The following GDPD3 variants were observed in gnomAD, a reference collection of about 807,000 sequenced individuals.
The protein encoded by GDPD3 is glycerophosphodiester phosphodiesterase domain containing 3, also known as lysophospholipase D GDPD3.
GDPD3 carries 40 observed loss-of-function variants against 43.7 expected under a neutral mutation model. That is an observed-to-expected ratio of 0.91 (90% CI 0.71 to 1.19). The LOEUF (loss-of-function observed/expected upper bound fraction) is 1.19, where lower values mean the gene tolerates loss of function less well. GDPD3 is among the 50% of genes most tolerant of loss of function. GDPD3 has a pLI of 0.00. For missense variants in GDPD3, 363 were observed against 415.8 expected, an observed-to-expected ratio of 0.87 and a Z score of 1.11; for synonymous variants, 145 against 162.9, an observed-to-expected ratio of 0.89 and a Z score of 0.84.
intron 7 of GDPD3, 158 bp downstream of exon 7, chr16:30,111,230 C>G: frequency 2.6e-6 from 2 of 782,058 alleles, no homozygotes; most frequent in South Asian, 3.5e-5. Context: ...GTTCACAGTT[C>G]CCTTAGTATT....
intron 7 of GDPD3, among the ~76,000 whole-genome samples, chr16:30,108,939 C>A (rs2072879562): frequency 6.6e-6 from 1 of 151,932 alleles, no homozygotes; most frequent in East Asian, 2.0e-4. Context: ...TCACACCATT[C>A]TCCTGCCTCA....
Position 30,112,559 on chromosome 16 carries a change from G to T in GDPD3, c.328C>A (p.Leu110Ile), listed in dbSNP as rs1432517051. Residue 110 changes from leucine to isoleucine, a missense_variant, in exon 4 of 10, where the codon CTC becomes ATC. Leu to Ile is a conservative substitution (Grantham distance 5). Transcript: ENST00000406256. This position sits in a 1 kb window ranked among gnomAD's most constrained non-coding sequence, Gnocchi z 5.4. The stretch of plus-strand genomic sequence containing the variant: ...TAAACCTCCAGCTTCTCCTTGTAGA[G>T]GGGCAGGTCCTGGGGAGGACAGGAA... ...VGSLDFEDLP[L>I]YKEKLEVYFS... 6.2e-7 allele frequency: 1 copy of T among 1,614,070 alleles called. No homozygotes were observed. The highest frequency in any genetic ancestry group is 1.3e-5 in the African/African-American group (1 of 74,924).
At chr16:30,108,636 G>T in intron 7 of GDPD3, 1 of 559,350 alleles carries the variant, frequency 1.8e-6, no homozygotes, top group Non-Finnish European at 3.2e-6. Flanking sequence ...CAAGGGTGTG[G>T]CCCTCCAGTC....
At chr16:30,111,181 T>C in intron 7 of GDPD3, 2 of 559,606 alleles carry the variant, frequency 3.6e-6, no homozygotes, top group South Asian at 4.8e-5. Flanking sequence ...AAATTACCTC[T>C]CTATCCTAAA....
rs1405207977 is a variant in GDPD3, at chr16:30,113,364, T to C, written c.115A>G (p.Ile39Val). ...LHTPRAPTFR[I>V]RLGAHRGGSG... ...CCTCCTCGGTGGGCCCCCAGGCGGA[T>C]GCGGAAGGTGGGAGCCCTGGGCGTG... The change falls in exon 1 of 10, where the codon ATC becomes GTC. Residue 39 changes from isoleucine (I) to valine (V), a missense_variant. Ile to Val is a conservative substitution (Grantham distance 29, BLOSUM62 3). Coordinates refer to ENST00000406256, the MANE Select transcript of GDPD3 (RefSeq NM_024307.3). This position sits in a 1 kb window ranked among gnomAD's most constrained non-coding sequence, Gnocchi z 5.9. The C allele has an allele frequency of 2.5e-6, 4 of 1,607,934 alleles. No homozygotes were observed. Among genetic ancestry groups the C allele is most frequent in the Non-Finnish European group, 3.4e-6 (4 of 1,176,550 alleles).
rs374869950 is a variant in GDPD3, at chr16:30,108,507, CCCG to C, written c.708-78_708-76del. On this transcript the variant is annotated intron_variant, in intron 7 of 9. Coordinates refer to ENST00000406256, the MANE Select transcript of GDPD3 (RefSeq NM_024307.3). ...AGAGGTGGGGTGGGCTGGTAGTGCC[CCCG>C]CCAACTAGGGTAGCGCTGCCCTCCC... 9,279 of 1,366,828 alleles carry C rather than the reference CCCG, an allele frequency of 6.8e-3. 46 individuals are homozygous for C. Among genetic ancestry groups the C allele is most frequent in the Non-Finnish European group, 7.1e-3 (6,746 of 956,406 alleles). The allele number at this position is 1,366,828 out of a possible 1,614,324, so 84.7% of individuals were successfully genotyped here. A position where few individuals can be genotyped will look rare whatever the true frequency, so the allele number is the denominator to read the frequency against.
chr16:30,109,115 C>T (rs559330991), intron 7 of GDPD3, among the ~76,000 whole-genome samples: 2 of 152,234 alleles, frequency 1.3e-5, no homozygotes, highest in South Asian at 2.1e-4. Flanking sequence ...CAGGCGTGAG[C>T]CACCGTGCCC....
intron 7 of GDPD3, among the ~76,000 whole-genome samples, chr16:30,109,683 T>C (rs2072886243): frequency 6.6e-6 from 1 of 151,938 alleles, no homozygotes; most frequent in African/African-American, 2.4e-5. Context: ...TGCATGCCTG[T>C]AATGCCAGCT....
intron 9 of GDPD3, among the ~76,000 whole-genome samples, chr16:30,106,870 G>A (rs955775794): frequency 1.3e-5 from 2 of 151,988 alleles, no homozygotes; most frequent in Admixed American, 6.6e-5. Flanking sequence ...CACCATACCC[G>A]GATAATGTTT....
At position 30,112,465 on chromosome 16, in the gene GDPD3, G is replaced by A. The variant is rs1247086268; in HGVS notation, c.365-41C>T. ...GAAAAGGGGTCAGAGGGAAGCCAAG[G>A]CGGAGGTCCAAGGAAGGCAGGCATG... is the stretch of plus-strand genomic sequence containing the variant. On this transcript the variant is annotated intron_variant, in intron 4 of 9. Coordinates refer to ENST00000406256, the MANE Select transcript of GDPD3 (RefSeq NM_024307.3). The surrounding 1 kb of genome is among the most constrained non-coding windows in gnomAD (Gnocchi z 5.4). The A allele has an allele frequency of 1.2e-6, 2 of 1,613,774 alleles. No homozygotes were observed. Among genetic ancestry groups the A allele is most frequent in the African/African-American group, 2.7e-5 (2 of 74,930 alleles).
chr16:30,112,963 T>C lies in GDPD3; in HGVS notation c.182+59A>G. 1 of 1,556,278 alleles carries C rather than the reference T, an allele frequency of 6.4e-7. No homozygotes were observed. The highest frequency in any genetic ancestry group is 8.9e-7 in the Non-Finnish European group (1 of 1,129,616). On this transcript the variant is annotated intron_variant, in intron 2 of 9. Coordinates refer to ENST00000406256, the MANE Select transcript of GDPD3 (RefSeq NM_024307.3). This position sits in a 1 kb window ranked among gnomAD's most constrained non-coding sequence, Gnocchi z 5.4. Reference sequence around the variant, plus strand: ...AAGTGAATGGCGTCCCTTGCTGTGATGCAGTCCACGACCTGCACACCCTCA... The same window carrying C: ...AAGTGAATGGCGTCCCTTGCTGTGACGCAGTCCACGACCTGCACACCCTCA...
At position 30,112,247 on chromosome 16, in the gene GDPD3, G is replaced by GGA. The variant is rs778656698; in HGVS notation, c.484-28_484-27dup. On this transcript the variant is annotated intron_variant, in intron 5 of 9. Transcript: ENST00000406256. This position sits in a 1 kb window ranked among gnomAD's most constrained non-coding sequence, Gnocchi z 5.4. ...CTGGGAGGAGGAGAAGGAGGTGAAG[G>GGA]GAGAGCCAGGCCTCTCTCACGCCCC... The GGA allele has an allele frequency of 1.9e-6, 3 of 1,612,762 alleles. No homozygotes were observed. Among genetic ancestry groups the GGA allele is most frequent in the Non-Finnish European group, 1.7e-6 (2 of 1,178,678 alleles).
At position 30,112,892 on chromosome 16, in the gene GDPD3, C is replaced by A; in HGVS notation, c.183-99G>T. ...GGGAATGTGAGAGCGGAGTTCGTGG[C>A]GGGATGTGCAGGCCACCTCCAGGGG... is the stretch of plus-strand genomic sequence containing the variant. On this transcript the variant is annotated intron_variant, in intron 2 of 9. Transcript: ENST00000406256. This position sits in a 1 kb window ranked among gnomAD's most constrained non-coding sequence, Gnocchi z 5.4. 1.3e-6 allele frequency: 2 copies of A among 1,516,572 alleles called. No individual in the cohort carries two copies. Among genetic ancestry groups the A allele is most frequent in the South Asian group, 1.1e-5 (1 of 88,290 alleles). 93.9% of individuals were successfully genotyped at this position (1,516,572 alleles called of 1,614,324 possible).
chr16:30,105,548 G>A (rs746597160), intron 9 of GDPD3, among the ~76,000 whole-genome samples: 1 of 150,296 alleles, frequency 6.7e-6, no homozygotes, highest in Non-Finnish European at 1.5e-5. Context: ...TTTGTCACCC[G>A]GGCTGGAGTA....
intron 9 of GDPD3, among the ~76,000 whole-genome samples, chr16:30,105,724 C>T (rs1221916749): frequency 6.7e-5 from 10 of 149,572 alleles, no homozygotes; most frequent in African/African-American, 1.9e-4. Context: ...AGGATGGTCT[C>T]GATCTCCTAA....
At chr16:30,108,189 T>G in intron 9 of GDPD3, 24 bp downstream of exon 9, 1 of 1,565,336 alleles carries the variant, frequency 6.4e-7, no homozygotes, top group Non-Finnish European at 8.7e-7. Context: ...CTGTGTGCGG[T>G]GGAAGTGGTG....
At position 30,112,289 on chromosome 16, in the gene GDPD3, C is replaced by G; in HGVS notation, c.483+17G>C. 1 of 1,613,738 alleles carries G rather than the reference C, an allele frequency of 6.2e-7. No homozygotes were observed. Among genetic ancestry groups the G allele is most frequent in the South Asian group, 1.1e-5 (1 of 91,076 alleles). On this transcript the variant is annotated intron_variant, in intron 5 of 9. Coordinates refer to ENST00000406256, the MANE Select transcript of GDPD3 (RefSeq NM_024307.3). The surrounding 1 kb of genome is among the most constrained non-coding windows in gnomAD (Gnocchi z 5.4). ...TCACGCCCCCGGTGGCCGCCCTAGC[C>G]CTGCCTGCAGCACCACCTCACGGAT...
In GDPD3 at chr16:30,112,317, G is replaced by A; in HGVS notation, c.472C>T (p.Leu158Phe). 2 of 1,614,134 alleles carry A rather than the reference G, an allele frequency of 1.2e-6. No homozygotes were observed. The highest frequency in any genetic ancestry group is 4.5e-5 in the East Asian group (2 of 44,888). Residue 158 changes from leucine to phenylalanine, a missense_variant, in exon 5 of 10, where the codon CTC (leucine) becomes TTC (phenylalanine). Leu to Phe is a conservative substitution (Grantham distance 22, BLOSUM62 0). Coordinates refer to ENST00000406256, the MANE Select transcript of GDPD3 (RefSeq NM_024307.3). The surrounding 1 kb of genome is among the most constrained non-coding windows in gnomAD (Gnocchi z 5.4). ...GCCTGCAGCACCACCTCACGGATGA[G>A]CTCTTCGTTCTTCCCTTTGATCTCT... ...SVEIKGKNEE[L>F]IREIAGLVRR...
intron 6 of GDPD3, chr16:30,111,880 C>T (rs1294644819): frequency 1.8e-6 from 1 of 563,490 alleles, no homozygotes; most frequent in Non-Finnish European, 3.2e-6. Flanking sequence ...TTGCAGTGAG[C>T]CGAGGTCGCA....
Sources: gnomAD v4.1 joint callset for allele counts (sites outside exome capture counted in the v4.1 genomes callset) on GRCh38, gnomAD v4.1.1 for gene constraint, Gnocchi (gnomAD v3.1) non-coding constraint, MANE v1.5 for transcripts, NCBI Gene and HGNC (gene_info 2026-07-23, HGNC 2026-07-21) for gene names.